Variants in LARGE1 observed in about 807,000 individuals in gnomAD.
The protein encoded by LARGE1 is xylosyl- and glucuronyltransferase LARGE1.
LARGE1 carries 43 observed loss-of-function variants against 87.6 expected under a neutral mutation model. That is an observed-to-expected ratio of 0.49 (90% confidence interval 0.38 to 0.63). The LOEUF (loss-of-function observed/expected upper bound fraction) is 0.63, where lower values mean the gene tolerates loss of function less well. Ranked by LOEUF, LARGE1 falls within the 30% of genes least tolerant of loss-of-function variation. The probability of loss-of-function intolerance (pLI) is 0.00; values close to 1 mark genes in which losing one functional copy is unlikely to be tolerated. For missense variants in LARGE1, 802 were observed against 1,000.2 expected (o/e 0.80, Z 2.67); for synonymous variants, 434 against 394.6 (o/e 1.10, Z -1.18).
At chr22:33,469,725 G>A (rs112648260) in intron 6 of LARGE1, among the ~76,000 whole-genome samples, 1 of 151,646 alleles carries the variant, frequency 6.6e-6, no homozygotes, top group Non-Finnish European at 1.5e-5. Flanking sequence ...CTACTCGAGA[G>A]GCTAAGGCAG....
At chr22:33,767,603 C>T (rs1012857498) in intron 1 of LARGE1, among the ~76,000 whole-genome samples, 1 of 151,984 alleles carries the variant, frequency 6.6e-6, no homozygotes, top group Non-Finnish European at 1.5e-5. Context: ...AGCCTACATT[C>T]CAAGCGTGTG....
chr22:33,442,463 C>T (rs1274918660), intron 6 of LARGE1, among the ~76,000 whole-genome samples: 2 of 152,072 alleles, frequency 1.3e-5, no homozygotes, highest in South Asian at 2.1e-4. Context: ...TCAACAGTGG[C>T]CCCCATTAAT....
intron 7 of LARGE1, among the ~76,000 whole-genome samples, chr22:33,422,756 C>T (rs896813336): frequency 6.6e-6 from 1 of 151,956 alleles, no homozygotes; most frequent in Non-Finnish European, 1.5e-5. Flanking sequence ...TGATCCTCTG[C>T]GCCCGGCCAT....
At chr22:33,856,795 T>C (rs992738308) in intron 1 of LARGE1, 1 of 152,206 alleles carries the variant, frequency 6.6e-6, no homozygotes, top group Non-Finnish European at 1.5e-5. Flanking sequence ...CGTTTCTTAA[T>C]GTAGGTTCTG....
chr22:33,584,520 T>C (rs1383869107), intron 5 of LARGE1, among the ~76,000 whole-genome samples: 2 of 152,256 alleles, frequency 1.3e-5, no homozygotes, highest in Non-Finnish European at 2.9e-5. Context: ...ATCTGTATTC[T>C]GGAACAGTGT....
At chr22:33,368,533 C>CA (rs34999879) in intron 9 of LARGE1, among the ~76,000 whole-genome samples, 59,674 of 114,974 alleles carry the variant, frequency 0.52, 18,717 homozygotes, top group East Asian at 0.79. Flanking sequence ...GACTCTTTCT[C>CA]AAAAAAAAAA....
At chr22:33,701,138 C>G (rs372899561) in intron 2 of LARGE1, among the ~76,000 whole-genome samples, 3 of 151,954 alleles carry the variant, frequency 2.0e-5, no homozygotes, top group Non-Finnish European at 2.9e-5. Context: ...GGAGTGGTCA[C>G]GGCCTGGAGG....
chr22:33,274,201 TG>T lies in LARGE1; in HGVS notation c.*225del. The T allele has an allele frequency of 1.6e-6, 1 of 612,706 alleles. No homozygotes were observed. Among genetic ancestry groups the T allele is most frequent in the Non-Finnish European group, 2.9e-6 (1 of 344,714 alleles). 38.0% of individuals were successfully genotyped at this position (612,706 alleles called of 1,614,324 possible). A position where few individuals can be genotyped will look rare whatever the true frequency, so the allele number is the denominator to read the frequency against. ...CCATTCTTGAAGAGACTCATCTAGG[TG>T]GGCTGCATAGCTAACCTCTGGGAAT... is the stretch of plus-strand genomic sequence containing the variant. On this transcript the variant is annotated 3_prime_UTR_variant, in exon 15 of 15. Transcript: ENST00000397394.
chr22:33,436,155 C>T (rs1010457651), intron 6 of LARGE1, among the ~76,000 whole-genome samples: 2 of 152,148 alleles, frequency 1.3e-5, no homozygotes, highest in Admixed American at 6.6e-5. Flanking sequence ...CTTCTAGCTG[C>T]GTAGCCGTGA....
intron 11 of LARGE1, among the ~76,000 whole-genome samples, chr22:33,222,041 C>T (rs937182955): frequency 6.6e-6 from 1 of 152,176 alleles, no homozygotes; most frequent in South Asian, 2.1e-4. Context: ...TCTTTTCCTT[C>T]CTACCTCTTT....
chr22:33,829,864 T>C (rs1007384512), intron 1 of LARGE1, among the ~76,000 whole-genome samples: 1 of 152,114 alleles, frequency 6.6e-6, no homozygotes, highest in Non-Finnish European at 1.5e-5. Flanking sequence ...AGTTAACCCA[T>C]TCTGAGCCAA....
the LARGE1 span, among the ~76,000 whole-genome samples, chr22:33,085,101 C>T: frequency 6.6e-6 from 1 of 152,212 alleles, no homozygotes. Context: ...CATGGCAAAA[C>T]CCCGTCTCTA....
At chr22:33,494,450 G>A (rs1362693062) in intron 6 of LARGE1, among the ~76,000 whole-genome samples, 1 of 152,240 alleles carries the variant, frequency 6.6e-6, no homozygotes, top group Admixed American at 6.5e-5. Flanking sequence ...TCAGTACGGT[G>A]TTTAACACAG....
intron 9 of LARGE1, among the ~76,000 whole-genome samples, chr22:33,356,336 C>A (rs796249407): frequency 6.6e-6 from 1 of 152,160 alleles, no homozygotes; most frequent in East Asian, 1.9e-4. Flanking sequence ...CCCAAGGTCC[C>A]GTCTGCTTAG....
chr22:33,282,725 C>G (rs891657034), intron 13 of LARGE1, among the ~76,000 whole-genome samples: 1 of 152,180 alleles, frequency 6.6e-6, no homozygotes, highest in East Asian at 1.9e-4. Flanking sequence ...AACGGCTACA[C>G]GTCCCCCAGG....
the LARGE1 span, among the ~76,000 whole-genome samples, chr22:33,121,585 C>G: frequency 1.3e-5 from 2 of 152,188 alleles, no homozygotes; most frequent in African/African-American, 4.8e-5. Flanking sequence ...TGGTCTCTTT[C>G]TATTCCTGGG....
chr22:33,677,333 C>T (rs1185845377), intron 2 of LARGE1, among the ~76,000 whole-genome samples: 1 of 150,862 alleles, frequency 6.6e-6, no homozygotes, highest in Non-Finnish European at 1.5e-5. Context: ...CTCGAACTGG[C>T]CCAAGGAAAA....
the LARGE1 span, among the ~76,000 whole-genome samples, chr22:33,113,205 C>CTT: frequency 1.1e-4 from 14 of 127,388 alleles, no homozygotes; most frequent in Non-Finnish European, 1.3e-4. Context: ...ACTTAATTAT[C>CTT]TTTTTTTTTT....
chr22:33,358,864 G>A (rs910244676), intron 9 of LARGE1, among the ~76,000 whole-genome samples: 3 of 152,166 alleles, frequency 2.0e-5, no homozygotes, highest in African/African-American at 7.2e-5. Flanking sequence ...CAGGTGTGGT[G>A]GCAGGCACCT....
Sources: gnomAD v4.1 joint callset for allele counts (sites outside exome capture counted in the v4.1 genomes callset) on GRCh38, gnomAD v4.1.1 for gene constraint, MANE v1.5 for transcripts, NCBI Gene and HGNC (gene_info 2026-07-23, HGNC 2026-07-21) for gene names.